Variants in LTBP1 observed in about 807,000 individuals in gnomAD.
LTBP1 encodes the protein latent-transforming growth factor beta-binding protein 1.
In LTBP1, 129 loss-of-function variants were observed where a neutral mutation model predicts 207.6. The observed-to-expected ratio is 0.62, with a 90% CI of 0.54 to 0.72. The LOEUF is 0.72. Among genes scored for constraint, LTBP1 ranks in the 30% least tolerant of loss-of-function variants. LTBP1 has a pLI of 0.00. For missense variants in LTBP1, 2,281 were observed against 2,217.2 expected (o/e 1.03, Z -0.58); for synonymous variants, 963 against 833.7 (o/e 1.16, Z -2.67).
chr2:33,115,068 ACACACG>A (rs768725806), intron 4 of LTBP1, among the ~76,000 whole-genome samples: 9 of 141,408 alleles, frequency 6.4e-5, no homozygotes, highest in Non-Finnish European at 1.2e-4. Context: ...ACACACACAC[ACACACG>A]TATACACAAA....
At chr2:33,313,394 A>C (rs2094215052) in intron 23 of LTBP1, among the ~76,000 whole-genome samples, 1 of 152,234 alleles carries the variant, frequency 6.6e-6, no homozygotes, top group African/African-American at 2.4e-5. Flanking sequence ...AACAAGTCAA[A>C]AAGAAGAGCT....
intron 5 of LTBP1, among the ~76,000 whole-genome samples, chr2:33,157,870 G>A (rs775290501): frequency 7.9e-5 from 12 of 152,218 alleles, no homozygotes; most frequent in African/African-American, 1.4e-4. Flanking sequence ...GGCCACATGC[G>A]GTGGTTCATG....
Position 33,007,224 on chromosome 2 carries a change from G to A in LTBP1, c.566-13685G>A, listed in dbSNP as rs144070861. Among the ~76,000 whole-genome samples the A allele has an allele frequency of 3.7e-4, 57 of 152,232 alleles. No homozygotes were observed. The East Asian group carries it at 0.01, about 27-fold the overall frequency. On this transcript the variant is annotated intron_variant, in intron 2 of 33. Coordinates refer to ENST00000404816, the MANE Select transcript of LTBP1 (RefSeq NM_206943.4). ...TCGAACTCGTGACCTCAAGTGATCCGCCCGCCTCGGCTTCTCAAAGTGCTG... is the reference window on the plus strand; with the variant it reads ...TCGAACTCGTGACCTCAAGTGATCCACCCGCCTCGGCTTCTCAAAGTGCTG...
chr2:33,281,972 G>C (rs1009303695), intron 19 of LTBP1, among the ~76,000 whole-genome samples: 1 of 151,370 alleles, frequency 6.6e-6, no homozygotes, highest in Admixed American at 6.6e-5. Context: ...CCTGATTCAT[G>C]AATTTATTAG....
At chr2:33,321,161 C>G (rs183833353) in intron 24 of LTBP1, among the ~76,000 whole-genome samples, 22 of 152,156 alleles carry the variant, frequency 1.4e-4, no homozygotes, top group African/African-American at 4.3e-4. Flanking sequence ...AAAAATTGAG[C>G]ACTGCAAGAC....
intron 3 of LTBP1, among the ~76,000 whole-genome samples, chr2:33,101,391 T>C (rs562583234): frequency 2.0e-5 from 3 of 152,364 alleles, no homozygotes; most frequent in South Asian, 4.1e-4. Context: ...TTTGTCGTTA[T>C]TGGAAGAGGA....
chr2:32,948,044 G>C (rs998597413), intron 1 of LTBP1, among the ~76,000 whole-genome samples: 1 of 152,194 alleles, frequency 6.6e-6, no homozygotes, highest in Non-Finnish European at 1.5e-5. Context: ...CATTGTTACC[G>C]AGCTGCGGGT....
chr2:33,243,730 C>G lies in LTBP1; in HGVS notation c.1945C>G (p.Arg649Gly), dbSNP rs752467301. The change falls in exon 10 of 34, where the codon CGA becomes GGA. Residue 649 changes from arginine (R) to glycine (G), a missense_variant. Arg to Gly is a moderately radical substitution (Grantham distance 125). Around this residue, in one of 3 missense-constraint regions of LTBP1, gnomAD observed 1,671 missense variants for 1,634.8 expected, o/e 1.02. Coordinates refer to ENST00000404816, the MANE Select transcript of LTBP1 (RefSeq NM_206943.4). The stretch of plus-strand genomic sequence containing the variant: ...GTGTTTGAATACCATGGGCAGCTAT[C>G]GATGTACCTGCAAAATAGGATTTGG... ...GECLNTMGSY[R>G]CTCKIGFGPD... The G allele has an allele frequency of 1.9e-6, 3 of 1,613,264 alleles. No homozygotes were observed. The highest frequency in any genetic ancestry group is 1.7e-5 in the Admixed American group (1 of 60,014).
At chr2:33,161,821 T>C (rs902942271) in intron 5 of LTBP1, among the ~76,000 whole-genome samples, 4 of 152,250 alleles carry the variant, frequency 2.6e-5, no homozygotes, top group African/African-American at 4.8e-5. Context: ...ATCGCTTTTA[T>C]TGATGATCAG....
chr2:33,390,051 G>T (rs976239447), intron 32 of LTBP1, among the ~76,000 whole-genome samples: 1 of 152,134 alleles, frequency 6.6e-6, no homozygotes, highest in African/African-American at 2.4e-5. Context: ...TTTTCCTACA[G>T]GGAAATGCAA....
intron 2 of LTBP1, among the ~76,000 whole-genome samples, chr2:32,966,819 T>G (rs187795011): frequency 1.3e-5 from 2 of 152,310 alleles, no homozygotes. Flanking sequence ...TCATGAGAGA[T>G]ACTTGTCTGT....
At chr2:33,228,580 A>G (rs943612002) in intron 9 of LTBP1, among the ~76,000 whole-genome samples, 3 of 152,166 alleles carry the variant, frequency 2.0e-5, no homozygotes, top group Admixed American at 1.3e-4. Flanking sequence ...TTAATCTTCA[A>G]AACAATCCTA....
intron 4 of LTBP1, among the ~76,000 whole-genome samples, chr2:33,131,505 G>A (rs1050496615): frequency 6.6e-6 from 1 of 152,212 alleles, no homozygotes. Context: ...CATTTATGGA[G>A]ATCCTGTTAG....
intron 5 of LTBP1, among the ~76,000 whole-genome samples, chr2:33,151,693 T>A (rs1392196248): frequency 6.6e-6 from 1 of 152,168 alleles, no homozygotes; most frequent in Non-Finnish European, 1.5e-5. Context: ...AGCTCCCACA[T>A]ATCAGTGAAA....
chr2:33,281,065 T>A (rs951102443), intron 19 of LTBP1, among the ~76,000 whole-genome samples: 4 of 152,140 alleles, frequency 2.6e-5, no homozygotes, highest in Admixed American at 2.0e-4. Context: ...TGAGACCCTG[T>A]CTCTAAAATA....
intron 3 of LTBP1, among the ~76,000 whole-genome samples, chr2:33,040,025 G>A (rs780096968): frequency 6.6e-6 from 1 of 152,124 alleles, no homozygotes. Context: ...GAATGGGACC[G>A]GTTTTGGAAT....
chr2:33,226,249 G>T (rs2091433224), intron 9 of LTBP1, among the ~76,000 whole-genome samples: 1 of 152,070 alleles, frequency 6.6e-6, no homozygotes, highest in Non-Finnish European at 1.5e-5. Flanking sequence ...TTTACAATGG[G>T]TGTCTTATAG....
At chr2:32,975,405 G>A (rs1024459200) in intron 2 of LTBP1, among the ~76,000 whole-genome samples, 1 of 151,942 alleles carries the variant, frequency 6.6e-6, no homozygotes, top group African/African-American at 2.4e-5. Context: ...TGTATTTCCT[G>A]AATTTGAATG....
At chr2:33,354,300 A>T (rs2094824781) in intron 26 of LTBP1, among the ~76,000 whole-genome samples, 1 of 152,190 alleles carries the variant, frequency 6.6e-6, no homozygotes, top group Non-Finnish European at 1.5e-5. Context: ...TATAAAAATT[A>T]TTTCTGATTG....
Sources: gnomAD v4.1 joint callset for allele counts (sites outside exome capture counted in the v4.1 genomes callset) on GRCh38, gnomAD v4.1.1 for gene constraint, gnomAD v4.1.1 regional missense constraint, MANE v1.5 for transcripts, NCBI Gene and HGNC (gene_info 2026-07-23, HGNC 2026-07-21) for gene names.